The following DHX9 variants were observed in gnomAD, a reference collection of about 807,000 sequenced individuals.
DHX9 encodes the protein ATP-dependent RNA helicase A.
DHX9 carries 27 observed loss-of-function variants against 148.7 expected under a neutral mutation model. The ratio of observed to expected loss-of-function variants is 0.18; its 90% confidence interval spans 0.13 to 0.25. The LOEUF is 0.25. DHX9 is among the 10% of genes least tolerant of loss of function. The probability of loss-of-function intolerance (pLI) is 1.00; values close to 1 mark genes in which losing one functional copy is unlikely to be tolerated. For missense variants in DHX9, 796 were observed against 1,559.6 expected, an observed-to-expected ratio of 0.51 and a Z score of 8.25; for synonymous variants, 529 against 516.6, an observed-to-expected ratio of 1.02 and a Z score of -0.33.
chr1:182,844,034 C>T (rs558897620), intron 3 of DHX9, among the ~76,000 whole-genome samples: 6 of 152,286 alleles, frequency 3.9e-5, no homozygotes, highest in East Asian at 1.9e-4. Flanking sequence ...CTGCAGCCTC[C>T]GCCTCCTGGG....
Position 182,874,927 on chromosome 1 carries a change from G to A in DHX9, c.1788G>A (p.Lys596=). ...CAAAAGACAAAAAGAAGAAGGATAA[G>A]GATGATGATGGTGGTGAGGATGATG... The part of the protein sequence containing the change: ...PPPKDKKKKD[K]DDDGGEDDDA... Residue 596 remains lysine (K), a synonymous_variant, in exon 16 of 28, where the codon AAG becomes AAA. Transcript: ENST00000367549. The A allele has an allele frequency of 2.5e-6, 4 of 1,613,206 alleles. No individual in the cohort carries two copies. Among genetic ancestry groups the A allele is most frequent in the Non-Finnish European group, 1.7e-6 (2 of 1,179,280 alleles).
chr1:182,858,666 A>G, intron 9 of DHX9, 26 bp downstream of exon 9: 1 of 1,609,604 alleles, frequency 6.2e-7, no homozygotes, highest in Non-Finnish European at 8.5e-7. Context: ...TTTAGTTCAC[A>G]TTTACGTAGA....
intron 22 of DHX9, among the ~76,000 whole-genome samples, chr1:182,880,818 G>A (rs1649051242): frequency 6.6e-6 from 1 of 152,128 alleles, no homozygotes; most frequent in African/African-American, 2.4e-5. Flanking sequence ...ATGGGGAAAA[G>A]GGCACTGATT....
intron 12 of DHX9, among the ~76,000 whole-genome samples, chr1:182,861,963 C>T (rs377698017): frequency 7.9e-5 from 12 of 152,190 alleles, no homozygotes; most frequent in Non-Finnish European, 4.4e-5. Flanking sequence ...AAGATTTAAA[C>T]ACACTCAAAT....
At chr1:182,863,266 A>G (rs1648070355) in intron 12 of DHX9, among the ~76,000 whole-genome samples, 1 of 152,230 alleles carries the variant, frequency 6.6e-6, no homozygotes, top group Admixed American at 6.5e-5. Flanking sequence ...GAGTAAAGGA[A>G]ATTTGAAGTC....
At chr1:182,868,364 TC>T (rs1225342664) in intron 14 of DHX9, among the ~76,000 whole-genome samples, 1 of 152,090 alleles carries the variant, frequency 6.6e-6, no homozygotes, top group Non-Finnish European at 1.5e-5. Flanking sequence ...ATTGGGAATT[TC>T]CAAATTTCAA....
At chr1:182,843,498 AAG>A in intron 3 of DHX9, 64 bp downstream of exon 3, 1 of 1,345,072 alleles carries the variant, frequency 7.4e-7, no homozygotes. Flanking sequence ...CAATATGCGT[AAG>A]AGACTCAAGA....
intron 5 of DHX9, 70 bp from the exon 6 acceptor site, chr1:182,853,960 A>G (rs1035324719): frequency 3.5e-6 from 5 of 1,440,668 alleles, no homozygotes; most frequent in Non-Finnish European, 4.8e-6. Context: ...AGACAGTATT[A>G]AAAATTTCTG....
chr1:182,870,964 A>G (rs1648530118), intron 14 of DHX9, among the ~76,000 whole-genome samples: 1 of 152,196 alleles, frequency 6.6e-6, no homozygotes, highest in African/African-American at 2.4e-5. Context: ...GTACATCTCA[A>G]TTCAGATTAA....
At chr1:182,843,464 G>T in intron 3 of DHX9, 30 bp downstream of exon 3, 1 of 1,534,112 alleles carries the variant, frequency 6.5e-7, no homozygotes. Flanking sequence ...CACTTGAGAT[G>T]TATGTTGTAA....
rs1183962814 is a variant in DHX9 at position 182,887,161 on chromosome 1, C to T, written c.3540C>T (p.Tyr1180=). The change falls in exon 28 of 28, where the codon TAC becomes TAT. Residue 1180 remains tyrosine, a synonymous_variant. Transcript: ENST00000367549. ...GATATAGAAGGGGAGGTTCTAGTTACAGTGGTGGAGGCTATGGCGGTGGCT... is the reference window on the plus strand; with the variant it reads ...GATATAGAAGGGGAGGTTCTAGTTATAGTGGTGGAGGCTATGGCGGTGGCT... ...GSGYRRGGSS[Y]SGGGYGGGYS... 3.7e-6 allele frequency: 6 copies of T among 1,614,156 alleles called. No homozygotes were observed. The highest frequency in any genetic ancestry group is 5.1e-6 in the Non-Finnish European group (6 of 1,180,034).
At chr1:182,840,211 G>A (rs1667895256) in intron 1 of DHX9, among the ~76,000 whole-genome samples, 2 of 152,076 alleles carry the variant, frequency 1.3e-5, no homozygotes, top group South Asian at 4.2e-4. Context: ...AGAAACGAAT[G>A]GATAGGGGAC....
chr1:182,882,936 G>A (rs1001519630), intron 24 of DHX9, among the ~76,000 whole-genome samples: 6 of 151,932 alleles, frequency 3.9e-5, no homozygotes, highest in Middle Eastern at 3.4e-3. Context: ...AGACGTTTTC[G>A]TTTTCTTATT....
At chr1:182,877,857 G>C (rs1364373561) in intron 19 of DHX9, 164 bp from the exon 20 acceptor site, 2 of 785,490 alleles carry the variant, frequency 2.5e-6, no homozygotes, top group Non-Finnish European at 3.9e-6. Flanking sequence ...ACAACTAGGA[G>C]TTTGCAGTCA....
At chr1:182,871,523 G>T (rs537932340) in intron 14 of DHX9, among the ~76,000 whole-genome samples, 1 of 152,312 alleles carries the variant, frequency 6.6e-6, no homozygotes, top group South Asian at 2.1e-4. Context: ...CCATACCCAT[G>T]TTTAACCTAC....
intron 12 of DHX9, among the ~76,000 whole-genome samples, chr1:182,864,134 G>C (rs1267132308): frequency 6.6e-6 from 1 of 152,166 alleles, no homozygotes; most frequent in Non-Finnish European, 1.5e-5. Context: ...TACTCTGTTG[G>C]GATTACAGGG....
intron 22 of DHX9, 56 bp from the exon 23 acceptor site, chr1:182,881,208 C>T: frequency 1.3e-6 from 2 of 1,556,684 alleles, no homozygotes; most frequent in South Asian, 1.2e-5. Flanking sequence ...CCTACCTGAG[C>T]TGCTGGCAAC....
chr1:182,886,983 T>C, intron 27 of DHX9, 100 bp from the exon 28 acceptor site: 5 of 1,130,812 alleles, frequency 4.4e-6, no homozygotes, highest in Non-Finnish European at 6.4e-6. Flanking sequence ...CTTCATTCCC[T>C]TTATTAAATT....
chr1:182,883,028 G>C (rs976256038), intron 24 of DHX9, 111 bp from the exon 25 acceptor site: 4 of 682,898 alleles, frequency 5.9e-6, no homozygotes, highest in Non-Finnish European at 1.0e-5. Flanking sequence ...GACAGGTTAT[G>C]TGAAAAGAGT....
Sources: gnomAD v4.1 joint callset for allele counts (sites outside exome capture counted in the v4.1 genomes callset) on GRCh38, gnomAD v4.1.1 for gene constraint, MANE v1.5 for transcripts, NCBI Gene and HGNC (gene_info 2026-07-23, HGNC 2026-07-21) for gene names.